CNR2: variants seen among roughly 807,000 people sequenced by gnomAD.
CNR2 encodes the protein cannabinoid receptor 2 (macrophage).
For synonymous variants in CNR2, 172 were observed against 182.2 expected (o/e 0.94, Z 0.45); for missense variants, 379 against 439.9 (o/e 0.86, Z 1.24).
chr1:23,877,832 A>G (rs1422041094), intron 1 of CNR2, among the ~76,000 whole-genome samples: 2 of 148,918 alleles, frequency 1.3e-5, no homozygotes, highest in Non-Finnish European at 3.0e-5. Flanking sequence ...ACGATGGTGG[A>G]CACCTGTAAT....
chr1:23,880,830 G>A (rs1639972343), intron 1 of CNR2, among the ~76,000 whole-genome samples: 1 of 150,390 alleles, frequency 6.6e-6, no homozygotes, highest in Admixed American at 6.6e-5. Flanking sequence ...GATCACAGAT[G>A]TGAGCCACCA....
chr1:23,876,786 G>C (rs1639885313), intron 1 of CNR2, among the ~76,000 whole-genome samples: 1 of 148,586 alleles, frequency 6.7e-6, no homozygotes, highest in African/African-American at 2.5e-5. Flanking sequence ...AGTGAGCCGA[G>C]ACTGTGCCAT....
chr1:23,874,965 T>C lies in CNR2; in HGVS notation c.653A>G (p.Gln218Arg), dbSNP rs759285584. 3 of 1,610,188 alleles carry C rather than the reference T, an allele frequency of 1.9e-6. No homozygotes were observed. The highest frequency in any genetic ancestry group is 2.5e-6 in the Non-Finnish European group (3 of 1,177,806). The change falls in exon 2 of 2, where the codon CAG (glutamine) becomes CGG (arginine). Residue 218 changes from glutamine to arginine, a missense_variant. Gln to Arg is a conservative substitution (Grantham distance 43). Coordinates refer to ENST00000374472, the MANE Select transcript of CNR2 (RefSeq NM_001841.3). ...GTGGCCAGACAAGCTGGCCACATGC[T>C]GATGGGCCTTCCAGAGAACATGCCC... is the stretch of plus-strand genomic sequence containing the variant. Reference protein sequence around the residue: ...TYGHVLWKAHQHVASLSGHQD... With the variant: ...TYGHVLWKAHRHVASLSGHQD...
At chr1:23,911,797 G>A (rs1397256728) in intron 1 of CNR2, among the ~76,000 whole-genome samples, 1 of 152,106 alleles carries the variant, frequency 6.6e-6, no homozygotes, top group Non-Finnish European at 1.5e-5. Context: ...TGCTTCACCT[G>A]CCCAGCGCAG....
At chr1:23,876,192 A>G (rs1639870878) in intron 1 of CNR2, among the ~76,000 whole-genome samples, 1 of 122,604 alleles carries the variant, frequency 8.2e-6, no homozygotes, top group Non-Finnish European at 1.7e-5. Context: ...ATTTTATTTT[A>G]ATTTTTATTT....
intron 1 of CNR2, among the ~76,000 whole-genome samples, chr1:23,905,161 C>T (rs192583666): frequency 6.6e-6 from 1 of 151,606 alleles, no homozygotes; most frequent in African/African-American, 2.4e-5. Context: ...GCACTATTCT[C>T]TGCACTTAAC....
chr1:23,882,375 C>T (rs1037124622), intron 1 of CNR2, among the ~76,000 whole-genome samples: 2 of 152,170 alleles, frequency 1.3e-5, no homozygotes, highest in Non-Finnish European at 2.9e-5. Context: ...AAAAAAGACA[C>T]ACTTTTGAAC....
chr1:23,889,172 T>A (rs6424125), intron 1 of CNR2, among the ~76,000 whole-genome samples: 1 of 151,966 alleles, frequency 6.6e-6, no homozygotes, highest in Non-Finnish European at 1.5e-5. Flanking sequence ...ACTTGGGACC[T>A]GAGAACCTGC....
At chr1:23,897,039 C>G (rs551631864) in intron 1 of CNR2, among the ~76,000 whole-genome samples, 1 of 152,016 alleles carries the variant, frequency 6.6e-6, no homozygotes, top group African/African-American at 2.4e-5. Flanking sequence ...GTGCCTGCCA[C>G]CATTTTTCTA....
chr1:23,909,689 A>G (rs1343558717), intron 1 of CNR2, among the ~76,000 whole-genome samples: 1 of 152,092 alleles, frequency 6.6e-6, no homozygotes, highest in Non-Finnish European at 1.5e-5. Context: ...GGCCATATTC[A>G]TATGATATCC....
intron 1 of CNR2, among the ~76,000 whole-genome samples, chr1:23,878,226 T>A (rs1353580507): frequency 6.6e-6 from 1 of 151,814 alleles, no homozygotes; most frequent in Non-Finnish European, 1.5e-5. Context: ...ATTAGCTGGA[T>A]GGTGGTGCAT....
At chr1:23,902,790 C>CGGGCGCGGGCGCGG in intron 1 of CNR2, 1 of 1,405,326 alleles carries the variant, frequency 7.1e-7, no homozygotes, top group Non-Finnish European at 9.3e-7. Flanking sequence ...GTGGGCTGCG[C>CGGGCGCGGGCGCGG]GGGCGCGGGC....
intron 1 of CNR2, among the ~76,000 whole-genome samples, chr1:23,909,804 C>T (rs925284389): frequency 1.1e-4 from 16 of 152,068 alleles, no homozygotes; most frequent in Admixed American, 6.6e-4. Flanking sequence ...CATGAGTCCC[C>T]GAGCCTGCCC....
At chr1:23,881,403 C>A (rs1000379759) in intron 1 of CNR2, among the ~76,000 whole-genome samples, 12 of 151,380 alleles carry the variant, frequency 7.9e-5, no homozygotes, top group African/African-American at 2.9e-4. Flanking sequence ...TTGAGACCAG[C>A]CTGTCTCTAA....
Position 23,897,481 on chromosome 1 carries a change from A to ATTTTTTTTTTTTTTTTTTTTTTTTT in CNR2, c.-46+15764_-46+15765insAAAAAAAAAAAAAAAAAAAAAAAAA, listed in dbSNP as rs35662001. Among the ~76,000 whole-genome samples, 246 of 149,862 alleles carry ATTTTTTTTTTTTTTTTTTTTTTTTT rather than the reference A, an allele frequency of 1.6e-3. 4 individuals carry two copies. The highest frequency in any genetic ancestry group is 5.9e-3 in the African/African-American group (239 of 40,572). On this transcript the variant is annotated intron_variant, in intron 1 of 1. Coordinates refer to ENST00000374472, the MANE Select transcript of CNR2 (RefSeq NM_001841.3). ...AATAATCCTATTGCATGTTAATAGA[A>ATTTTTTTTTTTTTTTTTTTTTTTTT]TTTTTTTTTTTGAGACCGAGTCTCA...
At chr1:23,896,279 C>T (rs1404238639) in intron 1 of CNR2, among the ~76,000 whole-genome samples, 1 of 152,194 alleles carries the variant, frequency 6.6e-6, no homozygotes, top group Non-Finnish European at 1.5e-5. Flanking sequence ...GCACTGAGTT[C>T]CGATCTTGGC....
chr1:23,886,998 C>T (rs568983247), intron 1 of CNR2, among the ~76,000 whole-genome samples: 1 of 152,260 alleles, frequency 6.6e-6, no homozygotes, highest in South Asian at 2.1e-4. Flanking sequence ...TTGTGCCTCC[C>T]GGGTTCAAGT....
At chr1:23,879,771 T>G (rs1639946986) in intron 1 of CNR2, among the ~76,000 whole-genome samples, 1 of 152,208 alleles carries the variant, frequency 6.6e-6, no homozygotes, top group Non-Finnish European at 1.5e-5. Context: ...TTATCTGGTT[T>G]ATTGCAATAG....
In CNR2 at chr1:23,873,413, T is replaced by G. The variant is rs966077855; in HGVS notation, c.*1122A>C. 8.6e-6 allele frequency: 1 copy of G among 115,764 alleles called. No homozygotes were observed. Among genetic ancestry groups the G allele is most frequent in the South Asian group, 3.2e-4 (1 of 3,088 alleles). 7.2% of individuals were successfully genotyped at this position (115,764 alleles called of 1,614,324 possible). A position where few individuals can be genotyped will look rare whatever the true frequency, so the allele number is the denominator to read the frequency against. On this transcript the variant is annotated 3_prime_UTR_variant, in exon 2 of 2. Coordinates refer to ENST00000374472, the MANE Select transcript of CNR2 (RefSeq NM_001841.3). The stretch of plus-strand genomic sequence containing the variant: ...ACCATGCCCTGCTAATTTTTGTATT[T>G]TTAGTAGAGACAGGGTTTCACCATA...
Sources: gnomAD v4.1 joint callset for allele counts (sites outside exome capture counted in the v4.1 genomes callset) on GRCh38, gnomAD v4.1.1 for gene constraint, MANE v1.5 for transcripts, NCBI Gene and HGNC (gene_info 2026-07-23, HGNC 2026-07-21) for gene names.